Variants in UPRT observed in about 807,000 individuals in gnomAD.
The protein encoded by UPRT is RP11-311P8.3.
Under a neutral mutation model 22.6 loss-of-function variants are expected in UPRT, and 5 were observed. The ratio of observed to expected loss-of-function variants is 0.22; its 90% CI spans 0.12 to 0.47. The LOEUF is 0.47. UPRT is among the 20% of genes least tolerant of loss of function. The pLI, the probability that UPRT is intolerant of heterozygous loss-of-function variation, is 0.99. For missense variants in UPRT, 181 were observed against 239.9 expected, an observed-to-expected ratio of 0.75 and a Z score of 1.62; for synonymous variants, 77 against 87.7, an observed-to-expected ratio of 0.88 and a Z score of 0.68.
chrX:75,195,716 G>A (rs1192932899), intron 4 of UPRT, among the ~76,000 whole-genome samples: 3 of 111,589 alleles, frequency 2.7e-5, no homozygotes, highest in African/African-American at 3.3e-5. Context: ...CAGTAACCCC[G>A]TTCAGGGTTC....
At chrX:75,244,061 A>G (rs1157654084) in intron 4 of UPRT, among the ~76,000 whole-genome samples, 2 of 111,534 alleles carry the variant, frequency 1.8e-5, no homozygotes, top group Non-Finnish European at 3.8e-5. Context: ...ATCCAATCCA[A>G]TTTAAACTCT....
chrX:75,190,360 CG>C (rs2082310727), intron 4 of UPRT, among the ~76,000 whole-genome samples: 1 of 111,956 alleles, frequency 8.9e-6, no homozygotes, highest in South Asian at 3.7e-4. Context: ...GTTAGTCTGA[CG>C]GGCTTTCGTT....
chrX:75,196,228 C>T (rs889849630), intron 4 of UPRT, among the ~76,000 whole-genome samples: 1 of 111,912 alleles, frequency 8.9e-6, no homozygotes, highest in Admixed American at 9.5e-5. Context: ...TGCAGTGGTG[C>T]GATCATAGCT....
At chrX:75,225,319 A>C (rs868744809) in intron 4 of UPRT, among the ~76,000 whole-genome samples, 8 of 70,007 alleles carry the variant, frequency 1.1e-4, no homozygotes, top group Admixed American at 1.9e-4. Context: ...ACCAAAACCA[A>C]AAACCACACA....
At chrX:75,279,166 G>T (rs2082643115) in intron 1 of UPRT, among the ~76,000 whole-genome samples, 1 of 110,912 alleles carries the variant, frequency 9.0e-6, no homozygotes. Context: ...GCTGATTCGG[G>T]CTATAGATAT....
chrX:75,224,055 G>A (rs1203034410), intron 4 of UPRT, among the ~76,000 whole-genome samples: 2 of 109,799 alleles, frequency 1.8e-5, no homozygotes, highest in Non-Finnish European at 3.8e-5. Context: ...TTTTTTATAT[G>A]TCAGTTATTG....
chrX:75,191,928 C>G (rs2082316649), intron 4 of UPRT, among the ~76,000 whole-genome samples: 1 of 111,171 alleles, frequency 9.0e-6, no homozygotes, highest in African/African-American at 3.3e-5. Context: ...GATGCCTCAC[C>G]CTGCTTTGGC....
At chrX:75,259,998 G>A (rs1189721613) in intron 4 of UPRT, among the ~76,000 whole-genome samples, 1 of 111,646 alleles carries the variant, frequency 9.0e-6, no homozygotes, top group East Asian at 2.8e-4. Flanking sequence ...TTCACATCCA[G>A]CCAAACTAAG....
At chrX:75,187,861 T>C (rs1008209945) in intron 4 of UPRT, among the ~76,000 whole-genome samples, 1 of 112,341 alleles carries the variant, frequency 8.9e-6, no homozygotes, top group Non-Finnish European at 1.9e-5. Flanking sequence ...CCAGCCTTGG[T>C]TTTCAGCTCC....
Position 75,208,738 on chromosome X carries a change from A to G in UPRT, c.-447+40859A>G, listed in dbSNP as rs190435950. On this transcript the variant is annotated intron_variant, in intron 4 of 13. Transcript: ENST00000652605. ...TTGAGCTTGTAAAAGTTTACAGGTA[A>G]TAGGTTTGAGGCCCCTGAGGCTGGC... 7.2e-5 allele frequency among the ~76,000 whole-genome samples: 8 copies of G among 111,513 alleles called. No individual in the cohort carries two copies. In the East Asian group the frequency reaches 2.3e-3, roughly 32 times the overall value.
chrX:75,210,414 G>T (rs2082377241), intron 4 of UPRT, among the ~76,000 whole-genome samples: 1 of 111,224 alleles, frequency 9.0e-6, no homozygotes, highest in Non-Finnish European at 1.9e-5. Context: ...CCTTGGAAAA[G>T]GAGCCAATTA....
intron 4 of UPRT, among the ~76,000 whole-genome samples, chrX:75,237,060 G>A (rs942987324): frequency 8.9e-6 from 1 of 111,868 alleles, no homozygotes; most frequent in Non-Finnish European, 1.9e-5. Flanking sequence ...CTGACAAAGG[G>A]CTAATATTCA....
In UPRT at chrX:75,240,339, T is replaced by G. The variant is rs759782637; in HGVS notation, c.-446-50685T>G. ...AGAATCAAATCAGGAACTCAACCCC[T>G]TATACAACAGCTGCAAAAAACAAAA... On this transcript the variant is annotated intron_variant, in intron 4 of 13. Transcript: ENST00000652605. 4.5e-5 allele frequency among the ~76,000 whole-genome samples: 5 copies of G among 111,119 alleles called. No homozygotes were observed. In the East Asian group the frequency reaches 1.4e-3, roughly 32 times the overall value.
At chrX:75,244,719 T>A (rs2082498748) in intron 4 of UPRT, among the ~76,000 whole-genome samples, 1 of 111,148 alleles carries the variant, frequency 9.0e-6, no homozygotes, top group African/African-American at 3.3e-5. Context: ...TGGCTAGTAA[T>A]ATGCGGAAGA....
chrX:75,261,215 A>C (rs769300952), intron 4 of UPRT, among the ~76,000 whole-genome samples: 4 of 111,471 alleles, frequency 3.6e-5, no homozygotes, highest in South Asian at 7.5e-4. Context: ...AGAGCAAACA[A>C]ATTCAAAAGC....
chrX:75,209,395 CAG>C (rs1193611238), intron 4 of UPRT, among the ~76,000 whole-genome samples: 1 of 110,381 alleles, frequency 9.1e-6, no homozygotes, highest in Non-Finnish European at 1.9e-5. Flanking sequence ...TTTTTTGAGA[CAG>C]AGTTTCGCTC....
chrX:75,220,478 T>G (rs769437160), intron 4 of UPRT, among the ~76,000 whole-genome samples: 2 of 111,343 alleles, frequency 1.8e-5, no homozygotes, highest in Admixed American at 9.6e-5. Flanking sequence ...TGATCTTCCC[T>G]TCCTTCTTTC....
At chrX:75,253,056 G>T (rs922583509) in intron 4 of UPRT, among the ~76,000 whole-genome samples, 3 of 110,847 alleles carry the variant, frequency 2.7e-5, no homozygotes, top group Non-Finnish European at 3.8e-5. Context: ...GTTGGAGGAG[G>T]GGGGAGGGAT....
intron 5 of UPRT, among the ~76,000 whole-genome samples, 156 bp downstream of exon 5, chrX:75,300,052 T>TA (rs1219230529): frequency 8.9e-6 from 1 of 112,533 alleles, no homozygotes; most frequent in Non-Finnish European, 1.9e-5. Flanking sequence ...GGAGAGTTTT[T>TA]ATTGCATAAT....
Sources: allele counts gnomAD v4.1 joint callset (sites outside exome capture counted in the v4.1 genomes callset), GRCh38; gene constraint gnomAD v4.1.1; transcripts MANE v1.5; gene names NCBI Gene and HGNC (gene_info 2026-07-23, HGNC 2026-07-21).